The following TMEM178B variants were observed in gnomAD, a reference collection of about 807,000 sequenced individuals.
TMEM178B encodes the protein transmembrane protein 178B.
A neutral mutation model predicts 31.0 loss-of-function variants in TMEM178B; 5 were observed. The ratio of observed to expected loss-of-function variants is 0.16; its 90% CI spans 0.08 to 0.34. The LOEUF (loss-of-function observed/expected upper bound fraction) is 0.34, where lower values mean the gene tolerates loss of function less well. Ranked by LOEUF, TMEM178B falls within the 10% of genes least tolerant of loss-of-function variation. TMEM178B has a pLI of 1.00. For missense variants in TMEM178B, 275 were observed against 400.3 expected (o/e 0.69, Z 2.67); for synonymous variants, 164 against 164.0 (o/e 1.00, Z 0.00).
At chr7:141,330,713 G>C (rs1047628737) in intron 2 of TMEM178B, among the ~76,000 whole-genome samples, 1 of 152,124 alleles carries the variant, frequency 6.6e-6, no homozygotes, top group Non-Finnish European at 1.5e-5. Flanking sequence ...GAAGCCACTG[G>C]GAGGCTTTGC....
chr7:141,401,918 C>G (rs1800784111), intron 2 of TMEM178B, among the ~76,000 whole-genome samples: 1 of 152,154 alleles, frequency 6.6e-6, no homozygotes, highest in South Asian at 2.1e-4. Flanking sequence ...GGTAAACACC[C>G]CTCCCACAGC....
intron 2 of TMEM178B, among the ~76,000 whole-genome samples, chr7:141,304,465 G>A (rs1798779777): frequency 6.6e-6 from 1 of 152,142 alleles, no homozygotes; most frequent in African/African-American, 2.4e-5. Context: ...ACCTTCCCCA[G>A]GCAAGGTCTA....
intron 2 of TMEM178B, among the ~76,000 whole-genome samples, chr7:141,335,606 A>C (rs1042050597): frequency 6.6e-6 from 1 of 152,106 alleles, no homozygotes; most frequent in African/African-American, 2.4e-5. Flanking sequence ...CAGTAACAGT[A>C]CAGTGCACAG....
intron 2 of TMEM178B, among the ~76,000 whole-genome samples, chr7:141,391,267 G>T (rs1488063328): frequency 3.3e-5 from 5 of 152,124 alleles, no homozygotes; most frequent in African/African-American, 7.2e-5. Flanking sequence ...CCAGGCTCAA[G>T]TGATTCTCCT....
At chr7:141,419,141 C>G (rs972125603) in intron 2 of TMEM178B, among the ~76,000 whole-genome samples, 1 of 152,154 alleles carries the variant, frequency 6.6e-6, no homozygotes, top group Non-Finnish European at 1.5e-5. Flanking sequence ...AACGCCTGAC[C>G]TCAAGTGATC....
chr7:141,302,640 G>A (rs1798748278), intron 2 of TMEM178B, among the ~76,000 whole-genome samples: 1 of 152,154 alleles, frequency 6.6e-6, no homozygotes, highest in Non-Finnish European at 1.5e-5. Context: ...AAACATGGTT[G>A]AGATGGCAAA....
chr7:141,451,346 A>C (rs1279421521), intron 3 of TMEM178B, among the ~76,000 whole-genome samples: 1 of 152,196 alleles, frequency 6.6e-6, no homozygotes, highest in Non-Finnish European at 1.5e-5. Context: ...TGTAGTGAGC[A>C]CTTAGTACAT....
intron 2 of TMEM178B, among the ~76,000 whole-genome samples, chr7:141,408,604 G>C (rs962779302): frequency 2.0e-5 from 3 of 152,176 alleles, no homozygotes; most frequent in Non-Finnish European, 4.4e-5. Flanking sequence ...AATGGAGCTT[G>C]CATATGTGAG....
At chr7:141,144,314 A>C (rs1410435979) in intron 1 of TMEM178B, among the ~76,000 whole-genome samples, 1 of 152,210 alleles carries the variant, frequency 6.6e-6, no homozygotes, top group East Asian at 1.9e-4. Context: ...TGCTTTCTGT[A>C]GGTGAGATAT....
At chr7:141,440,919 T>C (rs1340582581) in intron 3 of TMEM178B, among the ~76,000 whole-genome samples, 2 of 152,218 alleles carry the variant, frequency 1.3e-5, no homozygotes, top group African/African-American at 2.4e-5. Flanking sequence ...GATGTCCACA[T>C]ACCTTGTGAG....
intron 2 of TMEM178B, among the ~76,000 whole-genome samples, chr7:141,355,611 G>A (rs1293656182): frequency 2.0e-5 from 3 of 152,350 alleles, no homozygotes; most frequent in Non-Finnish European, 4.4e-5. Flanking sequence ...GGCATTCAAT[G>A]CCGATGCATT....
At chr7:141,249,033 G>A (rs531419971) in intron 2 of TMEM178B, among the ~76,000 whole-genome samples, 1 of 152,276 alleles carries the variant, frequency 6.6e-6, no homozygotes, top group African/African-American at 2.4e-5. Flanking sequence ...CAGATAATGT[G>A]GGCTGTTGGA....
At chr7:141,244,009 G>A (rs1420479765) in intron 2 of TMEM178B, among the ~76,000 whole-genome samples, 2 of 152,174 alleles carry the variant, frequency 1.3e-5, no homozygotes, top group Non-Finnish European at 2.9e-5. Flanking sequence ...CAAAACCGGG[G>A]CTGCGGACAT....
chr7:141,322,391 C>G (rs535447003), intron 2 of TMEM178B, among the ~76,000 whole-genome samples: 6 of 151,030 alleles, frequency 4.0e-5, no homozygotes, highest in African/African-American at 1.5e-4. Context: ...ATTAGCCGGG[C>G]ATGGTGGCAT....
At chr7:141,168,987 C>G (rs1397917582) in intron 1 of TMEM178B, among the ~76,000 whole-genome samples, 3 of 152,190 alleles carry the variant, frequency 2.0e-5, no homozygotes, top group Non-Finnish European at 2.9e-5. Context: ...TGGAAACATT[C>G]CAAATCCATT....
chr7:141,410,526 TTCTC>T (rs548949975), intron 2 of TMEM178B, among the ~76,000 whole-genome samples: 1 of 146,410 alleles, frequency 6.8e-6, no homozygotes, highest in African/African-American at 2.5e-5. Flanking sequence ...CTTCCTTCCT[TTCTC>T]TCTCTCTCTC....
At chr7:141,437,458 A>C (rs1375788625) in intron 2 of TMEM178B, 150 bp from the exon 3 acceptor site, 15 of 1,050,958 alleles carry the variant, frequency 1.4e-5, no homozygotes, top group Non-Finnish European at 1.8e-5. Context: ...CTCCCTCTGC[A>C]AAGATTGTGT....
chr7:141,214,054 T>G (rs1226248277), intron 2 of TMEM178B, among the ~76,000 whole-genome samples: 2 of 152,232 alleles, frequency 1.3e-5, no homozygotes, highest in Non-Finnish European at 2.9e-5. Context: ...TATATTTGCC[T>G]TAGAGACACT....
At chr7:141,215,846 TTCTTTTC>T (rs1797132794) in intron 2 of TMEM178B, among the ~76,000 whole-genome samples, 4 of 56,642 alleles carry the variant, frequency 7.1e-5, no homozygotes, top group Non-Finnish European at 2.0e-4. Flanking sequence ...TTCTTTTCTT[TTCTTTTC>T]TTTCTCTTTC....
Sources: gnomAD v4.1 joint callset for allele counts (sites outside exome capture counted in the v4.1 genomes callset) on GRCh38, gnomAD v4.1.1 for gene constraint, MANE v1.5 for transcripts, NCBI Gene and HGNC (gene_info 2026-07-23, HGNC 2026-07-21) for gene names.